The following TLE4 variants were observed in gnomAD, a reference collection of about 807,000 sequenced individuals.
The protein encoded by TLE4 is transducin-like enhancer protein 4.
A neutral mutation model predicts 92.8 loss-of-function variants in TLE4; 8 were observed. The observed-to-expected ratio is 0.09, with a 90% CI of 0.05 to 0.16. TLE4 has a LOEUF of 0.16. Among genes scored for constraint, TLE4 ranks in the 10% least tolerant of loss-of-function variants. The pLI is 1.00. For synonymous variants in TLE4, 371 were observed against 374.1 expected (o/e 0.99, Z 0.10); for missense variants, 675 against 997.6 (o/e 0.68, Z 4.36).
intron 5 of TLE4, among the ~76,000 whole-genome samples, chr9:79,624,045 G>A (rs1356350948): frequency 6.6e-6 from 1 of 152,042 alleles, no homozygotes; most frequent in Non-Finnish European, 1.5e-5. Flanking sequence ...GGGAAGAGAG[G>A]ACAGATTGGG....
chr9:79,666,849 C>G (rs1321884774), intron 8 of TLE4, among the ~76,000 whole-genome samples: 1 of 152,156 alleles, frequency 6.6e-6, no homozygotes, highest in Admixed American at 6.5e-5. Flanking sequence ...TGATACTTAA[C>G]CTGTTGGGCC....
intron 8 of TLE4, among the ~76,000 whole-genome samples, chr9:79,700,005 G>A (rs1300096028): frequency 6.6e-6 from 1 of 152,192 alleles, no homozygotes; most frequent in African/African-American, 2.4e-5. Flanking sequence ...ATCCACACTA[G>A]GTCACCATCC....
intron 5 of TLE4, among the ~76,000 whole-genome samples, chr9:79,614,986 T>C (rs1207457198): frequency 1.3e-5 from 2 of 152,216 alleles, no homozygotes; most frequent in Non-Finnish European, 2.9e-5. Flanking sequence ...TTACTTTAGA[T>C]TTAATTTACT....
chr9:79,596,776 T>C (rs2044136992), intron 4 of TLE4, among the ~76,000 whole-genome samples: 2 of 152,202 alleles, frequency 1.3e-5, no homozygotes, highest in South Asian at 4.1e-4. Flanking sequence ...AATATTTCTG[T>C]CAGCCAGATA....
In TLE4 at chr9:79,678,795, C is replaced by T. The variant is rs151289964; in HGVS notation, c.609+24720C>T. On this transcript the variant is annotated intron_variant, in intron 8 of 19. Transcript: ENST00000376552. ...CCTGCCCCCACCCTACAACAGTCCCCGGAGTATGATGTTCCCCTTCCTGTG... is the reference window on the plus strand; with the variant it reads ...CCTGCCCCCACCCTACAACAGTCCCTGGAGTATGATGTTCCCCTTCCTGTG... Among the ~76,000 whole-genome samples, 1,494 of 151,414 alleles carry T rather than the reference C, an allele frequency of 9.9e-3. 24 individuals are homozygous for T. Among genetic ancestry groups the T allele is most frequent in the African/African-American group, 0.034 (1,404 of 41,196 alleles).
At chr9:79,686,071 C>T (rs1338019241) in intron 8 of TLE4, among the ~76,000 whole-genome samples, 1 of 152,032 alleles carries the variant, frequency 6.6e-6, no homozygotes, top group Non-Finnish European at 1.5e-5. Flanking sequence ...ATAAGTAATA[C>T]TATAAATAGG....
chr9:79,665,174 A>T (rs2061190367), intron 8 of TLE4, among the ~76,000 whole-genome samples: 1 of 152,136 alleles, frequency 6.6e-6, no homozygotes, highest in Non-Finnish European at 1.5e-5. Context: ...GATTTTTCTG[A>T]TTTGTTTTTT....
At chr9:79,608,875 A>G (rs999079608) in intron 4 of TLE4, among the ~76,000 whole-genome samples, 3 of 152,198 alleles carry the variant, frequency 2.0e-5, no homozygotes, top group Admixed American at 1.3e-4. Flanking sequence ...AATAAAATTT[A>G]TGTCTTTTTA....
At position 79,593,956 on chromosome 9, in the gene TLE4, C is replaced by G. The variant is rs925766153; in HGVS notation, c.252+17779C>G. Among the ~76,000 whole-genome samples, 48 of 152,142 alleles carry G rather than the reference C, an allele frequency of 3.2e-4. 2 individuals carry two copies. Among genetic ancestry groups the G allele is most frequent in the African/African-American group, 1.1e-3 (47 of 41,424 alleles). ...TAGTCCTAATTCAGCCAGTAACTTC[C>G]TGTGACATTGGTAAATTATTTAACT... On this transcript the variant is annotated intron_variant, in intron 4 of 19. Transcript: ENST00000376552.
At chr9:79,595,927 G>A (rs1054914613) in intron 4 of TLE4, among the ~76,000 whole-genome samples, 6 of 150,402 alleles carry the variant, frequency 4.0e-5, no homozygotes, top group Admixed American at 1.3e-4. Flanking sequence ...GCTCACTGCA[G>A]GCTCTGCCTC....
intron 14 of TLE4, among the ~76,000 whole-genome samples, chr9:79,714,331 T>C (rs1397425854): frequency 2.0e-5 from 3 of 152,204 alleles, no homozygotes; most frequent in East Asian, 1.9e-4. Context: ...TAGCATTACA[T>C]TGATTTTAAT....
Position 79,709,580 on chromosome 9 carries a change from G to A in TLE4, c.1264-43G>A, listed in dbSNP as rs375507136. The A allele has an allele frequency of 2.0e-5, 32 of 1,562,032 alleles. No homozygotes were observed. In the East Asian group the frequency reaches 5.4e-4, roughly 26 times the overall value. On this transcript the variant is annotated intron_variant, in intron 13 of 19. Coordinates refer to ENST00000376552, the MANE Select transcript of TLE4 (RefSeq NM_007005.6). Reference sequence around the variant, plus strand: ...TTGAGAAGGATAAAACAAGTCAAATGTAACTGTGCTTATTTCTGTTGTTTG... The same window carrying A: ...TTGAGAAGGATAAAACAAGTCAAATATAACTGTGCTTATTTCTGTTGTTTG...
chr9:79,630,603 C>T (rs988927665), intron 6 of TLE4, among the ~76,000 whole-genome samples: 1 of 152,094 alleles, frequency 6.6e-6, no homozygotes, highest in African/African-American at 2.4e-5. Context: ...CTGCTAGCCA[C>T]TGTGTTTTTA....
intron 8 of TLE4, among the ~76,000 whole-genome samples, chr9:79,674,965 A>G (rs1183492618): frequency 6.6e-6 from 1 of 152,194 alleles, no homozygotes; most frequent in African/African-American, 2.4e-5. Flanking sequence ...TTCTTGCAGT[A>G]ACAGAATCCC....
intron 5 of TLE4, among the ~76,000 whole-genome samples, chr9:79,626,066 A>T (rs1464639909): frequency 6.6e-6 from 1 of 152,154 alleles, no homozygotes; most frequent in East Asian, 1.9e-4. Flanking sequence ...AGTCATAGAC[A>T]CAAAATACAC....
At chr9:79,580,063 T>C (rs2131990962) in intron 4 of TLE4, 1 of 152,334 alleles carries the variant, frequency 6.6e-6, no homozygotes, top group Admixed American at 6.5e-5. Flanking sequence ...TGAAAAGTAT[T>C]GCAGGTTGTT....
chr9:79,596,095 C>G (rs979794787), intron 4 of TLE4, among the ~76,000 whole-genome samples: 2 of 152,070 alleles, frequency 1.3e-5, no homozygotes, highest in African/African-American at 2.4e-5. Context: ...ATCCGCCCGC[C>G]CTGGCCTCCC....
chr9:79,724,849 T>TAAAAAAAAAAAAAAAAAAAAAAAAAA (rs947971071), intron 19 of TLE4, among the ~76,000 whole-genome samples, 188 bp from the exon 20 acceptor site: 1 of 25,978 alleles, frequency 3.8e-5, no homozygotes, highest in Non-Finnish European at 6.5e-5. Context: ...CCTGTCTTAT[T>TAAAAAAAAAAAAAAAAAAAAAAAAAA]AAAAAAAAAA....
chr9:79,641,195 C>A lies in TLE4; in HGVS notation c.391-11398C>A, dbSNP rs1483536912. Among the ~76,000 whole-genome samples, 3 of 149,384 alleles carry A rather than the reference C, an allele frequency of 2.0e-5. No individual in the cohort carries two copies. In the East Asian group the frequency reaches 5.9e-4, roughly 29 times the overall value. On this transcript the variant is annotated intron_variant, in intron 6 of 19. Transcript: ENST00000376552. ...CTTAAAAGGGTCACAGAAAGCCCAACCCATGAGAAAAGATTGATAGTATTT... is the reference window on the plus strand; with the variant it reads ...CTTAAAAGGGTCACAGAAAGCCCAAACCATGAGAAAAGATTGATAGTATTT...
Sources: gnomAD v4.1 joint callset for allele counts (sites outside exome capture counted in the v4.1 genomes callset) on GRCh38, gnomAD v4.1.1 for gene constraint, MANE v1.5 for transcripts, NCBI Gene and HGNC (gene_info 2026-07-23, HGNC 2026-07-21) for gene names.